COLQ: variants seen among roughly 807,000 people sequenced by gnomAD.
The protein encoded by COLQ is acetylcholinesterase collagenic tail peptide.
A neutral mutation model predicts 69.0 loss-of-function variants in COLQ; 48 were observed. That is an observed-to-expected ratio of 0.70 (90% confidence interval 0.55 to 0.88). The LOEUF is 0.88. Among genes scored for constraint, COLQ ranks in the 40% least tolerant of loss-of-function variants. The probability of loss-of-function intolerance (pLI) is 0.00; values close to 1 mark genes in which losing one functional copy is unlikely to be tolerated. For synonymous variants in COLQ, 217 were observed against 211.2 expected, an observed-to-expected ratio of 1.03 and a Z score of -0.24; for missense variants, 618 against 594.6, an observed-to-expected ratio of 1.04 and a Z score of -0.41.
At chr3:15,506,543 C>CT (rs1201445398) in intron 1 of COLQ, 1 of 152,112 alleles carries the variant, frequency 6.6e-6, no homozygotes, top group Non-Finnish European at 1.5e-5. Flanking sequence ...TATTTTCCCC[C>CT]TTTTACTCAA....
chr3:15,482,773 T>C (rs939829090), intron 3 of COLQ, among the ~76,000 whole-genome samples: 1 of 152,258 alleles, frequency 6.6e-6, no homozygotes, highest in African/African-American at 2.4e-5. Flanking sequence ...TGGAATCGTT[T>C]CAGAAAGAAT....
At chr3:15,496,485 A>G (rs9847828) in intron 1 of COLQ, among the ~76,000 whole-genome samples, 49,873 of 151,880 alleles carry the variant, frequency 0.33, 9,766 homozygotes, top group African/African-American at 0.53. Flanking sequence ...GACTGTCTCT[A>G]TAGAATTGTG....
chr3:15,520,312 C>T (rs2063119290), intron 1 of COLQ, among the ~76,000 whole-genome samples: 1 of 152,334 alleles, frequency 6.6e-6, no homozygotes, highest in South Asian at 2.1e-4. Flanking sequence ...ACAAATCTGC[C>T]CCCACCTCCT....
chr3:15,488,264 G>C lies in COLQ; in HGVS notation c.263C>G (p.Thr88Ser). The change falls in exon 3 of 17, where the codon ACC becomes AGC. Residue 88 changes from threonine to serine, a missense_variant. By Grantham distance (58) the Thr-to-Ser change is moderately conservative. Coordinates refer to ENST00000383788, the MANE Select transcript of COLQ (RefSeq NM_005677.4). ...GCCTTGCATGCACGGGGACTGCGAG[G>C]TCTCCAGTTCCAGCATGAGATTCTT... ...DMKNLMLELE[T>S]SQSPCMQGSL... 6.2e-7 allele frequency: 1 copy of C among 1,613,714 alleles called. No individual in the cohort carries two copies. The highest frequency in any genetic ancestry group is 8.5e-7 in the Non-Finnish European group (1 of 1,179,996).
chr3:15,464,606 T>C (rs150149072), intron 12 of COLQ, among the ~76,000 whole-genome samples: 8 of 152,312 alleles, frequency 5.3e-5, no homozygotes, highest in African/African-American at 1.9e-4. Flanking sequence ...TGACATTTCT[T>C]GCCCATCCCA....
chr3:15,510,933 G>C (rs183822378), intron 1 of COLQ, among the ~76,000 whole-genome samples: 11 of 152,212 alleles, frequency 7.2e-5, no homozygotes, highest in Admixed American at 5.9e-4. Context: ...AATGGGTTAC[G>C]GAGACTCACT....
At chr3:15,454,837 A>AT (rs1312894969) in intron 15 of COLQ, among the ~76,000 whole-genome samples, 97 of 149,744 alleles carry the variant, frequency 6.5e-4, no homozygotes, top group Non-Finnish European at 1.0e-3. Context: ...TTTAATTTTT[A>AT]TTTTTTTTTG....
At chr3:15,458,377 A>G (rs1393291319) in intron 12 of COLQ, 52 bp from the exon 13 acceptor site, 1 of 1,608,832 alleles carries the variant, frequency 6.2e-7, no homozygotes, top group Admixed American at 1.7e-5. Flanking sequence ...AGAAGACCAA[A>G]CAACCAGGGA....
intron 1 of COLQ, among the ~76,000 whole-genome samples, chr3:15,511,618 T>C (rs1162497480): frequency 6.6e-6 from 1 of 152,296 alleles, no homozygotes; most frequent in South Asian, 2.1e-4. Context: ...TTTTCCACCA[T>C]GATGGTTCCC....
intron 11 of COLQ, among the ~76,000 whole-genome samples, chr3:15,469,062 C>T (rs2062243034): frequency 6.6e-6 from 1 of 152,170 alleles, no homozygotes; most frequent in Non-Finnish European, 1.5e-5. Context: ...GCTTCTAAGG[C>T]TAACAATTCG....
At chr3:15,474,675 C>CAGGTA (rs2062348175) in intron 8 of COLQ, among the ~76,000 whole-genome samples, 2 of 152,224 alleles carry the variant, frequency 1.3e-5, no homozygotes, top group South Asian at 4.1e-4. Context: ...CTGGCACGGC[C>CAGGTA]TTCATTTGCT....
chr3:15,461,418 C>T (rs911295419), intron 12 of COLQ, among the ~76,000 whole-genome samples: 1 of 152,266 alleles, frequency 6.6e-6, no homozygotes, highest in Non-Finnish European at 1.5e-5. Context: ...TTCTGCCAGG[C>T]TATACTAAAG....
chr3:15,470,666 G>A, intron 10 of COLQ, 50 bp from the exon 11 acceptor site: 2 of 1,536,550 alleles, frequency 1.3e-6, no homozygotes, highest in African/African-American at 1.4e-5. Flanking sequence ...ATGTGGAGTG[G>A]GCACATCTAC....
intron 1 of COLQ, among the ~76,000 whole-genome samples, chr3:15,512,239 T>G (rs2062996753): frequency 6.6e-6 from 1 of 152,220 alleles, no homozygotes; most frequent in African/African-American, 2.4e-5. Context: ...CGATGCTTCC[T>G]TCTTTTCTTT....
intron 1 of COLQ, among the ~76,000 whole-genome samples, chr3:15,496,536 CTG>C (rs2062748872): frequency 6.6e-6 from 1 of 152,208 alleles, no homozygotes; most frequent in Non-Finnish European, 1.5e-5. Context: ...CCGGAAGGCT[CTG>C]TTGTATTGAA....
At chr3:15,459,132 C>T (rs1009239669) in intron 12 of COLQ, among the ~76,000 whole-genome samples, 7 of 152,172 alleles carry the variant, frequency 4.6e-5, no homozygotes, top group Non-Finnish European at 7.4e-5. Context: ...GCGTGAGCCA[C>T]CATACCCAGC....
At chr3:15,488,494 C>A (rs73816218) in intron 2 of COLQ, among the ~76,000 whole-genome samples, 187 bp from the exon 3 acceptor site, 3 of 152,052 alleles carry the variant, frequency 2.0e-5, no homozygotes, top group Non-Finnish European at 4.4e-5. Context: ...GCTCTTGAGA[C>A]GAACCTGGCT....
At chr3:15,520,721 C>G (rs2063124880) in intron 1 of COLQ, among the ~76,000 whole-genome samples, 1 of 152,150 alleles carries the variant, frequency 6.6e-6, no homozygotes, top group African/African-American at 2.4e-5. Flanking sequence ...GAATACTTCC[C>G]CTGCTCTGGG....
chr3:15,460,598 G>A (rs951285512), intron 12 of COLQ, among the ~76,000 whole-genome samples: 2 of 152,194 alleles, frequency 1.3e-5, no homozygotes, highest in African/African-American at 2.4e-5. Flanking sequence ...CACTGCAGTC[G>A]GAGGAGACTG....
Sources: allele counts gnomAD v4.1 joint callset (sites outside exome capture counted in the v4.1 genomes callset), GRCh38; gene constraint gnomAD v4.1.1; transcripts MANE v1.5; gene names NCBI Gene and HGNC (gene_info 2026-07-23, HGNC 2026-07-21).